Variants in DLG5 observed in about 807,000 individuals in gnomAD.
DLG5 encodes the protein disks large homolog 5.
DLG5 carries 48 observed loss-of-function variants against 189.8 expected under a neutral mutation model. That is an observed-to-expected ratio of 0.25 (90% CI 0.20 to 0.32). The LOEUF (loss-of-function observed/expected upper bound fraction) is 0.32, where lower values mean the gene tolerates loss of function less well. Among genes scored for constraint, DLG5 ranks in the 10% least tolerant of loss-of-function variants. DLG5 has a pLI of 1.00. For missense variants in DLG5, 2,160 were observed against 2,544.7 expected (o/e 0.85, Z 3.25); for synonymous variants, 1,016 against 1,054.1 (o/e 0.96, Z 0.70).
At position 77,794,062 on chromosome 10, in the gene DLG5, C is replaced by G; in HGVS notation, c.5602G>C (p.Glu1868Gln). ...AGCTTCTGCGCCGCCTCAAACTGCT[C>G]TTTGGAATGCCTCTGAGTCACCTTG... ...RDKVTQRHSK[E>Q]QFEAAQKLEQ... The change falls in exon 31 of 32, where the codon GAG (glutamate) becomes CAG (glutamine). Residue 1868 changes from glutamate to glutamine, a missense_variant. Physicochemically the swap from Glu to Gln is conservative, Grantham distance 29. This residue lies in a region of DLG5 where 574 missense variants were observed against 644.2 expected (regional missense o/e 0.89). Coordinates refer to ENST00000372391, the MANE Select transcript of DLG5 (RefSeq NM_004747.4). 1 of 1,614,212 alleles carries G rather than the reference C, an allele frequency of 6.2e-7. No homozygotes were observed. The highest frequency in any genetic ancestry group is 8.5e-7 in the Non-Finnish European group (1 of 1,180,030).
At chr10:77,923,290 G>A (rs1397722634) in intron 1 of DLG5, among the ~76,000 whole-genome samples, 1 of 152,218 alleles carries the variant, frequency 6.6e-6, no homozygotes, top group Non-Finnish European at 1.5e-5. Flanking sequence ...GAAGGAGGCA[G>A]GACCAAGTGC....
intron 31 of DLG5, 118 bp from the exon 32 acceptor site, chr10:77,792,661 A>G (rs1395843711): frequency 1.1e-6 from 1 of 888,704 alleles, no homozygotes; most frequent in Non-Finnish European, 1.8e-6. Context: ...GCTCCTTGGC[A>G]CTCTGCTCCA....
At chr10:77,836,502 C>G (rs1843143681) in intron 7 of DLG5, among the ~76,000 whole-genome samples, 2 of 152,246 alleles carry the variant, frequency 1.3e-5, no homozygotes, top group South Asian at 2.1e-4. Flanking sequence ...CTCTCCACCC[C>G]CAAGTGCTAG....
intron 9 of DLG5, among the ~76,000 whole-genome samples, chr10:77,832,947 T>C (rs947743988): frequency 1.3e-5 from 2 of 152,002 alleles, no homozygotes; most frequent in African/African-American, 4.8e-5. Context: ...TTTGTCTCAT[T>C]AGGAATTTTA....
chr10:77,817,796 C>T lies in DLG5; in HGVS notation c.3765G>A (p.Leu1255=). The T allele has an allele frequency of 6.4e-7, 1 of 1,554,748 alleles. No individual in the cohort carries two copies. Among genetic ancestry groups the T allele is most frequent in the East Asian group, 2.4e-5 (1 of 41,246 alleles). The part of the protein sequence containing the change: ...EMRATHGSNS[L]PSSARLGSSS... ...AGTTACCCAGGCGGGCGCTGGAGGG[C>T]AGTGAGTTGGACCCATGGGTGGCTC... Residue 1255 remains leucine, a synonymous_variant, in exon 18 of 32, where the codon CTG becomes CTA. Coordinates refer to ENST00000372391, the MANE Select transcript of DLG5 (RefSeq NM_004747.4).
chr10:77,918,798 GC>G (rs1361461202), intron 1 of DLG5, among the ~76,000 whole-genome samples: 1 of 152,158 alleles, frequency 6.6e-6, no homozygotes, highest in African/African-American at 2.4e-5. Context: ...ACGCAGCTCA[GC>G]CCTCTTTCTC....
chr10:77,800,879 G>T (rs1473229207), intron 27 of DLG5, among the ~76,000 whole-genome samples: 3 of 151,968 alleles, frequency 2.0e-5, no homozygotes, highest in Admixed American at 1.3e-4. Context: ...AACACCCCAG[G>T]CTGGGACCAC....
chr10:77,857,031 G>A, intron 2 of DLG5, 139 bp from the exon 3 acceptor site: 1 of 751,598 alleles, frequency 1.3e-6, no homozygotes, highest in Non-Finnish European at 2.1e-6. Context: ...TTTCACAGAT[G>A]AGAACACTGA....
At chr10:77,798,337 T>C (rs1417776220) in intron 27 of DLG5, among the ~76,000 whole-genome samples, 4 of 152,214 alleles carry the variant, frequency 2.6e-5, no homozygotes, top group Non-Finnish European at 5.9e-5. Flanking sequence ...TGGAACCCCA[T>C]GTGGTCCCGA....
At chr10:77,817,985 C>A (rs1291175475) in intron 17 of DLG5, 96 bp from the exon 18 acceptor site, 10 of 1,046,814 alleles carry the variant, frequency 9.6e-6, no homozygotes, top group South Asian at 4.5e-5. Context: ...GGTTCCCAAG[C>A]GGGCAGAAGG....
chr10:77,828,820 A>G lies in DLG5; in HGVS notation c.2289+62T>C. 1.9e-6 allele frequency: 3 copies of G among 1,561,440 alleles called. No homozygotes were observed. In the East Asian group the frequency reaches 6.7e-5, roughly 35 times the overall value. On this transcript the variant is annotated intron_variant, in intron 13 of 31. Coordinates refer to ENST00000372391, the MANE Select transcript of DLG5 (RefSeq NM_004747.4). The stretch of plus-strand genomic sequence containing the variant: ...ACTTTGCTCATTACTTCTTGCTCAA[A>G]CCTCCCAAATGTAATCTGCCTATGC...
chr10:77,836,284 C>A (rs1180086220), intron 7 of DLG5, among the ~76,000 whole-genome samples: 5 of 152,164 alleles, frequency 3.3e-5, no homozygotes, highest in African/African-American at 1.2e-4. Flanking sequence ...ATATGCTCCA[C>A]TAAAATTTCA....
chr10:77,821,085 C>T lies in DLG5; in HGVS notation c.3399G>A (p.Leu1133=), dbSNP rs1247567638. 1 of 1,608,278 alleles carries T rather than the reference C, an allele frequency of 6.2e-7. No homozygotes were observed. Among genetic ancestry groups the T allele is most frequent in the Admixed American group, 1.7e-5 (1 of 59,796 alleles). Residue 1133 remains leucine, a synonymous_variant, in exon 15 of 32, where the codon CTG becomes CTA. Transcript: ENST00000372391. ...LAPVVIPAQF[L]EEQKCVPASG... ...ACACCCTGGGGCTCAGCTATACCTC[C>T]AGGAACTGAGCAGGAATCACTACTG... is the stretch of plus-strand genomic sequence containing the variant.
At chr10:77,803,765 A>AT (rs1195420262) in intron 27 of DLG5, among the ~76,000 whole-genome samples, 2 of 152,206 alleles carry the variant, frequency 1.3e-5, no homozygotes, top group African/African-American at 4.8e-5. Flanking sequence ...TGCCAAACAT[A>AT]ATGGAGATGG....
At chr10:77,886,363 C>T (rs1473319153) in intron 1 of DLG5, among the ~76,000 whole-genome samples, 9 of 146,322 alleles carry the variant, frequency 6.2e-5, no homozygotes, top group Non-Finnish European at 1.0e-4. Flanking sequence ...ACTAGAGAAC[C>T]GTGTGAGAGT....
the DLG5 span, among the ~76,000 whole-genome samples, chr10:77,938,874 G>A: frequency 6.6e-6 from 1 of 152,188 alleles, no homozygotes; most frequent in Non-Finnish European, 1.5e-5. Flanking sequence ...TCCCAGAAGA[G>A]CTTTTGCACA....
rs534790069 is a variant in DLG5 at position 77,836,073 on chromosome 10, T to A, written c.1438-151A>T. 1.0e-4 allele frequency: 75 copies of A among 736,778 alleles called. No homozygotes were observed. The African/African-American group carries it at 1.1e-3, about 11-fold the overall frequency. 45.6% of individuals were successfully genotyped at this position (736,778 alleles called of 1,614,324 possible). A position where few individuals can be genotyped will look rare whatever the true frequency, so the allele number is the denominator to read the frequency against. On this transcript the variant is annotated intron_variant, in intron 7 of 31. Transcript: ENST00000372391. ...ATCGCAGCACACCCCATACCCCCAG[T>A]GACTGCACCCCACAGCCACGGTCCT...
In DLG5 at chr10:77,926,569, CGA is replaced by C. The variant is rs1846702616; in HGVS notation, c.-51_-50del. On this transcript the variant is annotated 5_prime_UTR_variant, in exon 1 of 32. Transcript: ENST00000372391. This position sits in a 1 kb window ranked among gnomAD's most constrained non-coding sequence, Gnocchi z 5.2. Reference sequence around the variant, plus strand: ...CCCGCCGGACGCCTCCCGGGCCCCCCGAGGCCGGCGGGCGGGCAGGCGAGCAC... The same window carrying C: ...CCCGCCGGACGCCTCCCGGGCCCCCCGGCCGGCGGGCGGGCAGGCGAGCAC... 8.3e-7 allele frequency: 1 copy of C among 1,202,966 alleles called. No homozygotes were observed. The highest frequency in any genetic ancestry group is 4.4e-5 in the Admixed American group (1 of 22,550). 74.5% of individuals were successfully genotyped at this position (1,202,966 alleles called of 1,614,324 possible). A position where few individuals can be genotyped will look rare whatever the true frequency, so the allele number is the denominator to read the frequency against.
intron 13 of DLG5, among the ~76,000 whole-genome samples, chr10:77,827,191 G>A (rs1436377100): frequency 6.6e-6 from 1 of 152,126 alleles, no homozygotes; most frequent in Non-Finnish European, 1.5e-5. Context: ...AATTTTGTAT[G>A]TATGCCATGA....
Sources: allele counts gnomAD v4.1 joint callset (sites outside exome capture counted in the v4.1 genomes callset), GRCh38; gene constraint gnomAD v4.1.1; regional missense constraint gnomAD v4.1.1; non-coding constraint Gnocchi (gnomAD v3.1); transcripts MANE v1.5; gene names NCBI Gene and HGNC (gene_info 2026-07-23, HGNC 2026-07-21).